Variants in TBX19 observed in about 807,000 individuals in gnomAD.
TBX19 encodes the protein T-box transcription factor TBX19.
In TBX19, 33 loss-of-function variants were observed where a neutral mutation model predicts 40.9. The ratio of observed to expected loss-of-function variants is 0.81; its 90% CI spans 0.61 to 1.08. The LOEUF is 1.08. Ranked by LOEUF, TBX19 falls within the 50% of genes least tolerant of loss-of-function variation. TBX19 has a pLI of 0.00. For missense variants in TBX19, 494 were observed against 574.0 expected, an observed-to-expected ratio of 0.86 and a Z score of 1.42; for synonymous variants, 220 against 225.0, an observed-to-expected ratio of 0.98 and a Z score of 0.20.
intron 5 of TBX19, 69 bp downstream of exon 5, chr1:168,300,552 G>C (rs2102359264): frequency 6.9e-7 from 1 of 1,440,576 alleles, no homozygotes; most frequent in Middle Eastern, 1.7e-4. Flanking sequence ...TCCACACTCA[G>C]ACTCTTTGCC....
intron 4 of TBX19, among the ~76,000 whole-genome samples, chr1:168,298,745 T>TCTTCCCTTCCCTTCCATTCC (rs1216391205): frequency 7.0e-6 from 1 of 142,630 alleles, no homozygotes; most frequent in Non-Finnish European, 1.5e-5. Context: ...TAGCTTTCCT[T>TCTTCCCTTCCCTTCCATTCC]CTTCCCTTCC....
intron 5 of TBX19, among the ~76,000 whole-genome samples, chr1:168,301,813 A>C (rs182656331): frequency 1.4e-3 from 220 of 152,326 alleles, no homozygotes; most frequent in African/African-American, 4.7e-3. Context: ...TGTATCACAC[A>C]TTCCAGGAAC....
At chr1:168,283,103 A>G (rs946562850) in intron 1 of TBX19, among the ~76,000 whole-genome samples, 18 of 152,222 alleles carry the variant, frequency 1.2e-4, no homozygotes, top group African/African-American at 4.3e-4. Context: ...CCAGCTACGC[A>G]GGAGGCTGAG....
chr1:168,310,914 A>G (rs1649506298), intron 7 of TBX19, among the ~76,000 whole-genome samples: 1 of 148,594 alleles, frequency 6.7e-6, no homozygotes, highest in Non-Finnish European at 1.5e-5. Context: ...ACATATAAAT[A>G]TATATATTTA....
intron 4 of TBX19, 110 bp from the exon 5 acceptor site, chr1:168,300,312 T>A: frequency 2.9e-6 from 3 of 1,026,508 alleles, no homozygotes; most frequent in Non-Finnish European, 4.5e-6. Context: ...GGTGTTTGGT[T>A]TTCTTATTCT....
chr1:168,312,300 G>T (rs1649543911), intron 7 of TBX19, among the ~76,000 whole-genome samples: 1 of 152,202 alleles, frequency 6.6e-6, no homozygotes, highest in South Asian at 2.1e-4. Context: ...TTAAACTTAA[G>T]TCTTCTGACA....
intron 5 of TBX19, among the ~76,000 whole-genome samples, chr1:168,303,738 C>A (rs543339516): frequency 2.0e-5 from 3 of 152,076 alleles, no homozygotes; most frequent in Non-Finnish European, 2.9e-5. Context: ...AGGAAAGGGG[C>A]GGGCAATTCC....
At position 168,313,106 on chromosome 1, in the gene TBX19, C is replaced by T; in HGVS notation, c.*104C>T. The T allele has an allele frequency of 7.0e-7, 1 of 1,428,504 alleles. No homozygotes were observed. Among genetic ancestry groups the T allele is most frequent in the Non-Finnish European group, 9.8e-7 (1 of 1,023,746 alleles). The allele number at this position is 1,428,504 out of a possible 1,614,324, so 88.5% of individuals were successfully genotyped here. The stretch of plus-strand genomic sequence containing the variant: ...AGTCAGACTGTGGAATCTCCCTTCC[C>T]ACTAGCTGGAGGTGGAGGTGGGTTA... On this transcript the variant is annotated 3_prime_UTR_variant, in exon 8 of 8. Transcript: ENST00000367821.
chr1:168,304,185 T>G (rs1272185456), intron 5 of TBX19, among the ~76,000 whole-genome samples: 1 of 152,178 alleles, frequency 6.6e-6, no homozygotes, highest in Non-Finnish European at 1.5e-5. Flanking sequence ...GGCCATGCCA[T>G]TTTGGGGACA....
At chr1:168,310,675 A>AT (rs1649497611) in intron 7 of TBX19, among the ~76,000 whole-genome samples, 1 of 145,606 alleles carries the variant, frequency 6.9e-6, no homozygotes, top group African/African-American at 2.6e-5. Context: ...TATATATATA[A>AT]AAAAATATAA....
chr1:168,284,783 A>G (rs1648767237), intron 1 of TBX19, among the ~76,000 whole-genome samples: 1 of 151,912 alleles, frequency 6.6e-6, no homozygotes, highest in Admixed American at 6.6e-5. Context: ...AAAAAAAAAA[A>G]AAAAAAAAAA....
intron 7 of TBX19, among the ~76,000 whole-genome samples, chr1:168,311,732 A>C (rs1649529173): frequency 6.6e-6 from 1 of 152,234 alleles, no homozygotes; most frequent in East Asian, 1.9e-4. Context: ...CTAAAATGTA[A>C]GAAACATAGT....
intron 2 of TBX19, among the ~76,000 whole-genome samples, chr1:168,292,794 G>A (rs1648975266): frequency 6.6e-6 from 1 of 151,276 alleles, no homozygotes; most frequent in Non-Finnish European, 1.5e-5. Context: ...AACCCGGGAG[G>A]CGGAGCTTGC....
intron 1 of TBX19, among the ~76,000 whole-genome samples, chr1:168,283,735 C>G (rs944714074): frequency 6.6e-6 from 1 of 152,150 alleles, no homozygotes; most frequent in African/African-American, 2.4e-5. Context: ...AAGAATGTTC[C>G]TGGTATGATT....
At chr1:168,292,162 G>A (rs1648957850) in intron 2 of TBX19, among the ~76,000 whole-genome samples, 1 of 152,114 alleles carries the variant, frequency 6.6e-6, no homozygotes, top group Non-Finnish European at 1.5e-5. Context: ...CCCACCCTGT[G>A]CCCATGTGCC....
chr1:168,299,383 G>A (rs1159141285), intron 4 of TBX19, among the ~76,000 whole-genome samples: 1 of 152,066 alleles, frequency 6.6e-6, no homozygotes, highest in African/African-American at 2.4e-5. Flanking sequence ...AATCTTTCCT[G>A]TTCACCTTAA....
intron 4 of TBX19, among the ~76,000 whole-genome samples, chr1:168,299,858 T>C (rs1464681397): frequency 6.6e-6 from 1 of 152,180 alleles, no homozygotes; most frequent in African/African-American, 2.4e-5. Context: ...TAAACTGATA[T>C]GTGAGATGAC....
At chr1:168,297,962 C>G (rs569930646) in intron 4 of TBX19, among the ~76,000 whole-genome samples, 177 bp downstream of exon 4, 1 of 151,986 alleles carries the variant, frequency 6.6e-6, no homozygotes, top group Non-Finnish European at 1.5e-5. Flanking sequence ...TTTGGGAGGC[C>G]GAGGCGGGCA....
At chr1:168,293,365 G>T in intron 3 of TBX19, 87 bp downstream of exon 3, 1 of 1,486,330 alleles carries the variant, frequency 6.7e-7, no homozygotes. Flanking sequence ...TGGGCGGGGG[G>T]GGTCCTTTTA....
Sources: gnomAD v4.1 joint callset for allele counts (sites outside exome capture counted in the v4.1 genomes callset) on GRCh38, gnomAD v4.1.1 for gene constraint, MANE v1.5 for transcripts, NCBI Gene and HGNC (gene_info 2026-07-23, HGNC 2026-07-21) for gene names.